Variants in CATSPERT observed in about 807,000 individuals in gnomAD.
CATSPERT encodes cation channel sperm-associated targeting subunit tau.
At chr2:201,602,067 AAAG>A in the CATSPERT span, among the ~76,000 whole-genome samples, 1 of 152,148 alleles carries the variant, frequency 6.6e-6, no homozygotes, top group Non-Finnish European at 1.5e-5. Flanking sequence ...AATATAAGTA[AAAG>A]AAGGTTGATT....
At chr2:201,501,040 T>G in the CATSPERT span, among the ~76,000 whole-genome samples, 7 of 151,956 alleles carry the variant, frequency 4.6e-5, no homozygotes, top group African/African-American at 1.7e-4. Flanking sequence ...CCAAAACTTA[T>G]GGGACACAGA....
At chr2:201,611,319 T>C in the CATSPERT span, among the ~76,000 whole-genome samples, 3 of 152,074 alleles carry the variant, frequency 2.0e-5, no homozygotes, top group Non-Finnish European at 4.4e-5. Context: ...AACAGGAAAT[T>C]TGGAAAATTC....
the CATSPERT span, chr2:201,547,645 A>G: frequency 9.2e-7 from 1 of 1,091,494 alleles, no homozygotes; most frequent in Non-Finnish European, 1.3e-6. Context: ...TGAAAAAAGC[A>G]AGTGATAGAA....
At chr2:201,574,962 A>G in the CATSPERT span, among the ~76,000 whole-genome samples, 1 of 151,370 alleles carries the variant, frequency 6.6e-6, no homozygotes, top group African/African-American at 2.4e-5. Context: ...GAGGCTATGC[A>G]TGTCAAGGCA....
the CATSPERT span, among the ~76,000 whole-genome samples, chr2:201,498,346 C>T: frequency 2.0e-5 from 3 of 151,952 alleles, no homozygotes; most frequent in African/African-American, 7.3e-5. Flanking sequence ...GTCCAAAGGC[C>T]GAAAAACCTG....
At chr2:201,508,491 T>G in the CATSPERT span, among the ~76,000 whole-genome samples, 3 of 152,262 alleles carry the variant, frequency 2.0e-5, no homozygotes, top group Non-Finnish European at 4.4e-5. Flanking sequence ...ACATTAATTT[T>G]ACAATGTTAA....
the CATSPERT span, among the ~76,000 whole-genome samples, chr2:201,586,259 T>A: frequency 6.6e-6 from 1 of 152,060 alleles, no homozygotes; most frequent in Admixed American, 6.6e-5. Flanking sequence ...ACTGGGGAAG[T>A]CAGTTTTGAC....
At chr2:201,511,016 A>G in the CATSPERT span, among the ~76,000 whole-genome samples, 1 of 152,248 alleles carries the variant, frequency 6.6e-6, no homozygotes, top group East Asian at 1.9e-4. Flanking sequence ...CAGAGATTAT[A>G]AACAAATAAC....
At chr2:201,583,838 T>C in the CATSPERT span, among the ~76,000 whole-genome samples, 1 of 152,218 alleles carries the variant, frequency 6.6e-6, no homozygotes, top group Non-Finnish European at 1.5e-5. Context: ...TAAAGAGCTA[T>C]GTTTACTATG....
the CATSPERT span, among the ~76,000 whole-genome samples, chr2:201,516,930 CT>C: frequency 0.65 from 88,188 of 135,404 alleles, 28,991 homozygotes; most frequent in Admixed American, 0.75. Flanking sequence ...AATAGGAAGG[CT>C]TTTTTTTTTT....
the CATSPERT span, among the ~76,000 whole-genome samples, chr2:201,615,022 T>G: frequency 6.6e-6 from 1 of 152,210 alleles, no homozygotes; most frequent in Non-Finnish European, 1.5e-5. Flanking sequence ...TAAATATGTA[T>G]GCACCCAATA....
chr2:201,491,187 A>G, the CATSPERT span: 1 of 1,529,844 alleles, frequency 6.5e-7, no homozygotes, highest in South Asian at 1.2e-5. Flanking sequence ...TTCTTCTTGC[A>G]GTCCAGTGAA....
the CATSPERT span, among the ~76,000 whole-genome samples, chr2:201,531,802 C>A: frequency 3.3e-5 from 5 of 152,266 alleles, no homozygotes; most frequent in East Asian, 7.7e-4. Flanking sequence ...ACAAAGGGAA[C>A]AATGCTAACA....
the CATSPERT span, among the ~76,000 whole-genome samples, chr2:201,500,704 A>C: frequency 6.6e-6 from 1 of 152,094 alleles, no homozygotes; most frequent in South Asian, 2.1e-4. Context: ...AAAGAAAAGG[A>C]ATCTGGGCCC....
the CATSPERT span, among the ~76,000 whole-genome samples, chr2:201,598,060 C>T: frequency 6.6e-6 from 1 of 151,960 alleles, no homozygotes; most frequent in East Asian, 1.9e-4. Flanking sequence ...TTTCTTACTC[C>T]CGCCTGTATT....
the CATSPERT span, among the ~76,000 whole-genome samples, chr2:201,581,480 ATATATATAT>A: frequency 0.01 from 10 of 968 alleles, no homozygotes; most frequent in Non-Finnish European, 0.016. Context: ...ATTCCGGAAT[ATATATATAT>A]ATATATATAT....
chr2:201,492,209 C>T, the CATSPERT span: 2 of 1,520,482 alleles, frequency 1.3e-6, no homozygotes, highest in Non-Finnish European at 8.8e-7. Context: ...GAATGCTTCT[C>T]CACAAAGTGA....
At chr2:201,568,480 A>C in the CATSPERT span, among the ~76,000 whole-genome samples, 1 of 152,178 alleles carries the variant, frequency 6.6e-6, no homozygotes, top group Admixed American at 6.5e-5. Flanking sequence ...AGCATTTGCC[A>C]GATCTGTAGC....
At chr2:201,587,815 T>C in the CATSPERT span, among the ~76,000 whole-genome samples, 1 of 152,078 alleles carries the variant, frequency 6.6e-6, no homozygotes, top group Admixed American at 6.6e-5. Context: ...AAGGGGGATA[T>C]TGCCACTGAC....
Sources: allele counts gnomAD v4.1 joint callset (sites outside exome capture counted in the v4.1 genomes callset), GRCh38; gene constraint gnomAD v4.1.1; transcripts MANE v1.5; gene names NCBI Gene and HGNC (gene_info 2026-07-23, HGNC 2026-07-21).